IMMP2L: variants seen among roughly 807,000 people sequenced by gnomAD.
The protein encoded by IMMP2L is mitochondrial inner membrane protease subunit 2.
Under a neutral mutation model 19.3 loss-of-function variants are expected in IMMP2L, and 18 were observed. The ratio of observed to expected loss-of-function variants is 0.93; its 90% CI spans 0.64 to 1.38. The LOEUF (loss-of-function observed/expected upper bound fraction) is 1.38. Among genes scored for constraint, IMMP2L ranks in the 40% most tolerant of loss-of-function variants. The pLI is 0.00. For synonymous variants in IMMP2L, 76 were observed against 73.0 expected, an observed-to-expected ratio of 1.04 and a Z score of -0.21; for missense variants, 233 against 218.2, an observed-to-expected ratio of 1.07 and a Z score of -0.43.
At chr7:111,143,573 AT>A (rs955538880) in intron 3 of IMMP2L, among the ~76,000 whole-genome samples, 2 of 152,108 alleles carry the variant, frequency 1.3e-5, no homozygotes, top group African/African-American at 4.8e-5. Context: ...TTAGCAATCC[AT>A]TTTCCTTTGC....
intron 5 of IMMP2L, among the ~76,000 whole-genome samples, chr7:110,774,360 T>C (rs1799237617): frequency 6.6e-6 from 1 of 152,012 alleles, no homozygotes; most frequent in Non-Finnish European, 1.5e-5. Context: ...TATGTAAAAA[T>C]GGTACTAAGT....
chr7:111,350,085 A>G (rs969511713), intron 3 of IMMP2L, among the ~76,000 whole-genome samples: 4 of 150,184 alleles, frequency 2.7e-5, no homozygotes, highest in African/African-American at 9.8e-5. Context: ...CTCCTGCCTC[A>G]CCCTCCCAAG....
intron 4 of IMMP2L, among the ~76,000 whole-genome samples, chr7:110,889,624 C>T (rs1381516037): frequency 3.3e-5 from 5 of 152,166 alleles, no homozygotes; most frequent in Admixed American, 6.5e-5. Context: ...AGTACCAGTC[C>T]GTGGCCTGGG....
intron 5 of IMMP2L, among the ~76,000 whole-genome samples, chr7:110,740,690 A>C (rs1175451436): frequency 6.6e-6 from 1 of 152,100 alleles, no homozygotes; most frequent in South Asian, 2.1e-4. Flanking sequence ...GGAAATGCAA[A>C]TCAAAACCAC....
chr7:111,548,680 C>A (rs1849168401), intron 1 of IMMP2L, among the ~76,000 whole-genome samples: 1 of 151,964 alleles, frequency 6.6e-6, no homozygotes, highest in Non-Finnish European at 1.5e-5. Flanking sequence ...ATGTCACTTA[C>A]CATTTTTCTC....
intron 5 of IMMP2L, among the ~76,000 whole-genome samples, chr7:110,801,412 T>C (rs1288320132): frequency 6.6e-6 from 1 of 152,140 alleles, no homozygotes; most frequent in African/African-American, 2.4e-5. Flanking sequence ...TCCAAATATG[T>C]GCTTGACTTA....
intron 3 of IMMP2L, among the ~76,000 whole-genome samples, chr7:111,074,931 G>T (rs1795260313): frequency 6.6e-6 from 1 of 152,086 alleles, no homozygotes; most frequent in South Asian, 2.1e-4. Flanking sequence ...TTGGCAACGT[G>T]CAAGTGACTG....
intron 3 of IMMP2L, among the ~76,000 whole-genome samples, chr7:111,010,984 C>A (rs1338667341): frequency 6.6e-6 from 1 of 151,612 alleles, no homozygotes; most frequent in Non-Finnish European, 1.5e-5. Flanking sequence ...TTGAAAGTGT[C>A]CCCAGCATGC....
chr7:111,181,810 G>T (rs755085368), intron 3 of IMMP2L, among the ~76,000 whole-genome samples: 4 of 151,792 alleles, frequency 2.6e-5, no homozygotes, highest in South Asian at 2.1e-4. Flanking sequence ...TATACTAAGG[G>T]TTTCTTACCA....
intron 5 of IMMP2L, among the ~76,000 whole-genome samples, chr7:110,816,194 T>C (rs150755930): frequency 0.089 from 13,502 of 152,100 alleles, 909 homozygotes; most frequent in African/African-American, 0.19. Flanking sequence ...TCAAAGAACA[T>C]CTTTATTTCT....
At chr7:110,954,795 C>G (rs539932346) in intron 4 of IMMP2L, among the ~76,000 whole-genome samples, 1 of 152,144 alleles carries the variant, frequency 6.6e-6, no homozygotes, top group Non-Finnish European at 1.5e-5. Context: ...AAGATGAACT[C>G]TATTCACGAG....
At chr7:110,790,018 T>C (rs1022920644) in intron 5 of IMMP2L, among the ~76,000 whole-genome samples, 3 of 151,728 alleles carry the variant, frequency 2.0e-5, no homozygotes, top group African/African-American at 7.3e-5. Flanking sequence ...TATACATTTG[T>C]TAATTTATGT....
At chr7:111,112,297 C>T (rs896474680) in intron 3 of IMMP2L, among the ~76,000 whole-genome samples, 2 of 152,208 alleles carry the variant, frequency 1.3e-5, no homozygotes, top group Non-Finnish European at 1.5e-5. Context: ...GCATATAGTG[C>T]CTTTAATTTC....
In IMMP2L at chr7:111,539,198, GA is replaced by G. The variant is rs1284823036; in HGVS notation, c.-2-17750del. Among the ~76,000 whole-genome samples, 9 of 43,336 alleles carry G rather than the reference GA, an allele frequency of 2.1e-4. 1 individual carries two copies. The highest frequency in any genetic ancestry group is 1.5e-3 in the Admixed American group (6 of 4,030). The allele number at this position is 43,336 out of a possible 152,430, so 28.4% of individuals were successfully genotyped here. A position where few individuals can be genotyped will look rare whatever the true frequency, so the allele number is the denominator to read the frequency against. ...AAGGAAGGAAGGAAGGAAGGAGGGA[GA>G]AAGAAAGAAAGAAAGAAAGAAAGAA... On this transcript the variant is annotated intron_variant, in intron 1 of 5. Coordinates refer to ENST00000405709, the MANE Select transcript of IMMP2L (RefSeq NM_032549.4).
At chr7:110,874,761 T>C (rs1028931079) in intron 5 of IMMP2L, among the ~76,000 whole-genome samples, 1 of 152,100 alleles carries the variant, frequency 6.6e-6, no homozygotes, top group African/African-American at 2.4e-5. Flanking sequence ...TGTGCTGCTA[T>C]AACAGAATGC....
intron 3 of IMMP2L, among the ~76,000 whole-genome samples, chr7:111,047,074 T>C (rs1792470173): frequency 6.6e-6 from 1 of 152,250 alleles, no homozygotes; most frequent in Non-Finnish European, 1.5e-5. Context: ...CTTACACTTT[T>C]GCTGTTTCCT....
chr7:111,377,559 C>G (rs1411686808), intron 3 of IMMP2L, among the ~76,000 whole-genome samples: 3 of 152,042 alleles, frequency 2.0e-5, no homozygotes, highest in Admixed American at 6.6e-5. Flanking sequence ...AATCCCACTC[C>G]TGCCACAGAA....
At chr7:111,350,698 T>C (rs936429442) in intron 3 of IMMP2L, among the ~76,000 whole-genome samples, 2 of 152,136 alleles carry the variant, frequency 1.3e-5, no homozygotes, top group Non-Finnish European at 2.9e-5. Flanking sequence ...TAGAGTATTT[T>C]ATACTATAGG....
chr7:111,089,096 A>C (rs1294356952), intron 3 of IMMP2L, among the ~76,000 whole-genome samples: 1 of 152,206 alleles, frequency 6.6e-6, no homozygotes, highest in Non-Finnish European at 1.5e-5. Context: ...AAGAGTGATC[A>C]TTTAGTTAAA....
Sources: gnomAD v4.1 joint callset for allele counts (sites outside exome capture counted in the v4.1 genomes callset) on GRCh38, gnomAD v4.1.1 for gene constraint, MANE v1.5 for transcripts, NCBI Gene and HGNC (gene_info 2026-07-23, HGNC 2026-07-21) for gene names.